CSNK1G3: variants seen among roughly 807,000 people sequenced by gnomAD.
The protein encoded by CSNK1G3 is casein kinase I isoform gamma-3.
A neutral mutation model predicts 64.3 loss-of-function variants in CSNK1G3; 23 were observed. The observed-to-expected ratio is 0.36, with a 90% CI of 0.26 to 0.51. The LOEUF (loss-of-function observed/expected upper bound fraction) is 0.51. CSNK1G3 is among the 20% of genes least tolerant of loss of function. CSNK1G3 has a pLI of 0.96. For missense variants in CSNK1G3, 357 were observed against 510.5 expected (o/e 0.70, Z 2.90); for synonymous variants, 158 against 162.2 (o/e 0.97, Z 0.20).
At chr5:123,545,662 A>T (rs1034218332) in exon 2 of CSNK1G3, 5 of 1,611,092 alleles carry the variant, frequency 3.1e-6, no homozygotes, top group Non-Finnish European at 4.2e-6. Flanking sequence ...CGCAAACTTG[A>T]TATGGAAAAT....
chr5:123,601,391 T>A (rs2151111372), intron 10 of CSNK1G3, among the ~76,000 whole-genome samples: 1 of 152,278 alleles, frequency 6.6e-6, no homozygotes, highest in East Asian at 1.9e-4. Flanking sequence ...CTATCTTAAC[T>A]CTGTTACCAC....
chr5:123,597,599 A>G (rs546401732), intron 10 of CSNK1G3, among the ~76,000 whole-genome samples: 44 of 152,204 alleles, frequency 2.9e-4, no homozygotes, highest in African/African-American at 9.4e-4. Context: ...ACCTATAGAA[A>G]GATCCTCAGG....
rs374274205 is a variant in CSNK1G3, at chr5:123,573,552, T to G, written c.438+11T>G. ...ATAGCTATACAACTGGTAAGTAAAA[T>G]AAGGTATTTGAAGTTGTTTGAACAA... On this transcript the variant is annotated intron_variant, in intron 5 of 12. Coordinates refer to ENST00000345990, the Ensembl canonical transcript of CSNK1G3. 4 of 1,581,650 alleles carry G rather than the reference T, an allele frequency of 2.5e-6. No individual in the cohort carries two copies. The highest frequency in any genetic ancestry group is 3.4e-6 in the Non-Finnish European group (4 of 1,168,470).
intron 4 of CSNK1G3, among the ~76,000 whole-genome samples, chr5:123,559,308 T>C (rs1433067471): frequency 2.0e-5 from 3 of 152,048 alleles, no homozygotes; most frequent in Non-Finnish European, 4.4e-5. Context: ...TTTGGAAGAA[T>C]AGGATTGAGT....
intron 1 of CSNK1G3, among the ~76,000 whole-genome samples, chr5:123,537,633 G>A (rs746516193): frequency 1.2e-4 from 19 of 152,162 alleles, no homozygotes; most frequent in Non-Finnish European, 2.4e-4. Context: ...CATACATGTT[G>A]AGATGAAACA....
chr5:123,612,906 A>G (rs1748674912), intron 12 of CSNK1G3, among the ~76,000 whole-genome samples: 1 of 152,228 alleles, frequency 6.6e-6, no homozygotes, highest in Non-Finnish European at 1.5e-5. Flanking sequence ...CTTTGCTTTT[A>G]TTACAAAATA....
intron 5 of CSNK1G3, 24 bp from the exon 6 acceptor site, chr5:123,575,705 C>T (rs1561553519): frequency 1.3e-6 from 2 of 1,508,500 alleles, no homozygotes; most frequent in Admixed American, 1.7e-5. Context: ...AATAAAACTT[C>T]TCTTCTTTTT....
At chr5:123,518,033 T>A (rs1275812017) in intron 1 of CSNK1G3, among the ~76,000 whole-genome samples, 1 of 152,194 alleles carries the variant, frequency 6.6e-6, no homozygotes, top group Non-Finnish European at 1.5e-5. Context: ...TCTCACATAT[T>A]TCCCAGTATG....
intron 1 of CSNK1G3, among the ~76,000 whole-genome samples, chr5:123,523,531 A>C (rs1211925206): frequency 6.6e-6 from 1 of 152,184 alleles, no homozygotes; most frequent in Non-Finnish European, 1.5e-5. Context: ...TGGCAGTTCT[A>C]TAAATTGCAA....
intron 12 of CSNK1G3, 64 bp downstream of exon 13, chr5:123,605,426 C>T: frequency 6.4e-7 from 1 of 1,552,966 alleles, no homozygotes; most frequent in South Asian, 1.2e-5. Flanking sequence ...GATTTAGCAT[C>T]ATTTTGTGTC....
At chr5:123,525,238 G>A (rs2150024497) in intron 1 of CSNK1G3, among the ~76,000 whole-genome samples, 1 of 151,270 alleles carries the variant, frequency 6.6e-6, no homozygotes, top group African/African-American at 2.4e-5. Flanking sequence ...TTTTTAATTA[G>A]GGAGAATGTT....
chr5:123,534,812 G>A (rs921055286), intron 1 of CSNK1G3, among the ~76,000 whole-genome samples: 9 of 152,068 alleles, frequency 5.9e-5, no homozygotes, highest in Admixed American at 1.3e-4. Context: ...CAGAGACTGC[G>A]AGATAATGTT....
At chr5:123,581,313 A>G (rs1408993761) in intron 6 of CSNK1G3, among the ~76,000 whole-genome samples, 2 of 144,794 alleles carry the variant, frequency 1.4e-5, no homozygotes, top group African/African-American at 2.5e-5. Flanking sequence ...TTTGGAGACA[A>G]TTTTATTTAT....
chr5:123,616,744 A>T (rs1000734492), exon 13 of CSNK1G3: 20 of 151,390 alleles, frequency 1.3e-4, no homozygotes, highest in Non-Finnish European at 2.4e-4. Context: ...AAAAAGAAAT[A>T]AAAAAAAATA....
intron 4 of CSNK1G3, among the ~76,000 whole-genome samples, chr5:123,572,770 G>A (rs1345584491): frequency 6.6e-6 from 1 of 152,178 alleles, no homozygotes; most frequent in Non-Finnish European, 1.5e-5. Context: ...CTGACTTCTA[G>A]ACTATCTTTT....
intron 3 of CSNK1G3, among the ~76,000 whole-genome samples, chr5:123,556,350 T>C (rs1784619544): frequency 6.6e-6 from 1 of 152,116 alleles, no homozygotes; most frequent in Non-Finnish European, 1.5e-5. Context: ...TTCATAGCAA[T>C]AATTTATCCA....
intron 9 of CSNK1G3, 86 bp from the exon 10 acceptor site, chr5:123,591,233 T>G: frequency 2.8e-6 from 2 of 714,530 alleles, no homozygotes; most frequent in Non-Finnish European, 4.3e-6. Context: ...TTTTGTTTTT[T>G]TCCTTAATTC....
At chr5:123,610,316 A>G (rs1439772291) in intron 12 of CSNK1G3, among the ~76,000 whole-genome samples, 2 of 152,212 alleles carry the variant, frequency 1.3e-5, no homozygotes, top group African/African-American at 4.8e-5. Context: ...GCCATAAAAT[A>G]TACTTTCTGT....
At chr5:123,593,078 CTT>C (rs1451800522) in intron 10 of CSNK1G3, among the ~76,000 whole-genome samples, 1 of 151,798 alleles carries the variant, frequency 6.6e-6, no homozygotes, top group African/African-American at 2.4e-5. Context: ...ATGTTTTAGA[CTT>C]TTAGTTTTCT....
Sources: gnomAD v4.1 joint callset for allele counts (sites outside exome capture counted in the v4.1 genomes callset) on GRCh38, gnomAD v4.1.1 for gene constraint, MANE v1.5 for transcripts, NCBI Gene and HGNC (gene_info 2026-07-23, HGNC 2026-07-21) for gene names.